Variants in PRKN observed in about 807,000 individuals in gnomAD.
PRKN encodes the protein parkin RBR E3 ubiquitin protein ligase.
A neutral mutation model predicts 59.5 loss-of-function variants in PRKN; 56 were observed. The ratio of observed to expected loss-of-function variants is 0.94; its 90% CI spans 0.76 to 1.18. PRKN has a LOEUF of 1.18. Ranked by LOEUF, PRKN falls within the 50% of genes most tolerant of loss-of-function variation. The pLI is 0.00. For synonymous variants in PRKN, 250 were observed against 222.1 expected, an observed-to-expected ratio of 1.13 and a Z score of -1.12; for missense variants, 657 against 596.4, an observed-to-expected ratio of 1.10 and a Z score of -1.06.
intron 2 of PRKN, among the ~76,000 whole-genome samples, chr6:162,438,821 A>C (rs1296493153): frequency 6.6e-6 from 1 of 152,128 alleles, no homozygotes; most frequent in African/African-American, 2.4e-5. Context: ...TCCATCTATA[A>C]CTTTATGTCT....
intron 4 of PRKN, among the ~76,000 whole-genome samples, chr6:162,159,637 T>G (rs1782673096): frequency 6.6e-6 from 1 of 152,180 alleles, no homozygotes; most frequent in African/African-American, 2.4e-5. Flanking sequence ...AAAAAGGACC[T>G]AAACTAGCCA....
chr6:162,241,172 T>C (rs1413206810), intron 3 of PRKN, among the ~76,000 whole-genome samples: 1 of 152,160 alleles, frequency 6.6e-6, no homozygotes, highest in East Asian at 1.9e-4. Context: ...ACAATTACTG[T>C]TATCATCATC....
At chr6:161,944,228 CT>C (rs1177168436) in intron 6 of PRKN, among the ~76,000 whole-genome samples, 1 of 152,162 alleles carries the variant, frequency 6.6e-6, no homozygotes, top group African/African-American at 2.4e-5. Context: ...TGCCCATAAT[CT>C]GTTTTTTGAT....
chr6:162,189,536 T>C (rs1426582931), intron 4 of PRKN, among the ~76,000 whole-genome samples: 1 of 151,188 alleles, frequency 6.6e-6, no homozygotes, highest in Non-Finnish European at 1.5e-5. Context: ...CAAATAATAA[T>C]AATAGTAATA....
At chr6:161,435,802 A>G (rs928896069) in intron 9 of PRKN, among the ~76,000 whole-genome samples, 1 of 145,210 alleles carries the variant, frequency 6.9e-6, no homozygotes, top group Non-Finnish European at 1.5e-5. Flanking sequence ...TAAAACCTGT[A>G]TCTACATGAA....
chr6:162,373,691 G>T (rs1379784351), intron 2 of PRKN, among the ~76,000 whole-genome samples: 1 of 152,140 alleles, frequency 6.6e-6, no homozygotes, highest in East Asian at 1.9e-4. Context: ...CATATCTTTT[G>T]TTCCTGGTGA....
chr6:162,394,286 C>T (rs1488958017), intron 2 of PRKN, among the ~76,000 whole-genome samples: 3 of 152,156 alleles, frequency 2.0e-5, no homozygotes, highest in Non-Finnish European at 4.4e-5. Flanking sequence ...AAAGTGAGAG[C>T]GTTCTGCTTT....
chr6:162,357,572 T>G (rs1057241593), intron 2 of PRKN, among the ~76,000 whole-genome samples: 1 of 152,166 alleles, frequency 6.6e-6, no homozygotes, highest in Non-Finnish European at 1.5e-5. Context: ...GTTTGGAAGA[T>G]AGTTTGGCAG....
At chr6:162,700,651 T>G (rs1334537133) in intron 1 of PRKN, among the ~76,000 whole-genome samples, 1 of 152,086 alleles carries the variant, frequency 6.6e-6, no homozygotes, top group African/African-American at 2.4e-5. Context: ...ACATCTTTCT[T>G]TCTTGTTTCT....
chr6:162,690,025 T>C (rs1197215299), intron 1 of PRKN, among the ~76,000 whole-genome samples: 1 of 151,970 alleles, frequency 6.6e-6, no homozygotes, highest in Non-Finnish European at 1.5e-5. Flanking sequence ...ATAAAAGATA[T>C]TCATGTGGGT....
chr6:161,680,742 TATATATATATATATATATATATATA>T (rs1785292148), intron 7 of PRKN, among the ~76,000 whole-genome samples: 4 of 6,370 alleles, frequency 6.3e-4, no homozygotes, highest in African/African-American at 1.0e-3. Flanking sequence ...TATATATATA[TATATATATATATATATATATATATA>T]TATATATATT....
intron 7 of PRKN, among the ~76,000 whole-genome samples, chr6:161,723,311 A>G (rs1317975718): frequency 6.6e-6 from 1 of 152,114 alleles, no homozygotes; most frequent in Non-Finnish European, 1.5e-5. Flanking sequence ...AAAGTGACAC[A>G]CAACAGATCA....
Position 161,423,394 on chromosome 6 carries a change from C to A in PRKN, c.1084-36517G>T, listed in dbSNP as rs988601364. Among the ~76,000 whole-genome samples the A allele has an allele frequency of 6.6e-6, 1 of 152,104 alleles. No individual in the cohort carries two copies. Among genetic ancestry groups the A allele is most frequent in the Non-Finnish European group, 1.5e-5 (1 of 68,030 alleles). On this transcript the variant is annotated intron_variant, in intron 9 of 11. Transcript: ENST00000366898. The surrounding 1 kb of genome is among the most constrained non-coding windows in gnomAD (Gnocchi z 5.9). ...GTAAATAATTCGGAGGTGAGTACTG[C>A]GATGCAGTTACACGTCGTAACCACC... is the stretch of plus-strand genomic sequence containing the variant.
intron 6 of PRKN, among the ~76,000 whole-genome samples, chr6:161,908,112 C>A (rs1583330552): frequency 6.7e-6 from 1 of 150,300 alleles, no homozygotes. Flanking sequence ...ACAACAACAA[C>A]AAAGAACATA....
intron 7 of PRKN, among the ~76,000 whole-genome samples, chr6:161,729,880 GTGTTGCATATTCTGGCA>G (rs1242696592): frequency 4.2e-5 from 6 of 143,338 alleles, no homozygotes; most frequent in Non-Finnish European, 2.9e-5. Flanking sequence ...TCTTTCTGAT[GTGTTGCATATTCTGGCA>G]TGTTGCATTC....
At chr6:161,863,753 T>G (rs974759036) in intron 6 of PRKN, among the ~76,000 whole-genome samples, 2 of 152,148 alleles carry the variant, frequency 1.3e-5, no homozygotes, top group African/African-American at 4.8e-5. Context: ...CTTTAAGGTA[T>G]ATAGGCATAG....
intron 2 of PRKN, among the ~76,000 whole-genome samples, chr6:162,373,710 A>C (rs1458624123): frequency 6.6e-6 from 1 of 152,192 alleles, no homozygotes; most frequent in East Asian, 1.9e-4. Context: ...GACATAGAAG[A>C]ACAAGTTTAA....
chr6:162,305,507 G>A (rs1399959124), intron 2 of PRKN, among the ~76,000 whole-genome samples: 1 of 151,948 alleles, frequency 6.6e-6, no homozygotes, highest in African/African-American at 2.4e-5. Flanking sequence ...TATAATTCTT[G>A]AACGAGCTTC....
intron 5 of PRKN, among the ~76,000 whole-genome samples, chr6:161,978,950 C>T (rs569450624): frequency 1.2e-3 from 187 of 152,262 alleles, no homozygotes; most frequent in African/African-American, 4.2e-3. Context: ...GAATCCTTTA[C>T]GGCGGGTAAA....
Sources: gnomAD v4.1 joint callset for allele counts (sites outside exome capture counted in the v4.1 genomes callset) on GRCh38, gnomAD v4.1.1 for gene constraint, Gnocchi (gnomAD v3.1) non-coding constraint, MANE v1.5 for transcripts, NCBI Gene and HGNC (gene_info 2026-07-23, HGNC 2026-07-21) for gene names.